Variants in SCHIP1 observed in about 807,000 individuals in gnomAD.
The protein encoded by SCHIP1 is schwannomin interacting protein 1.
Under a neutral mutation model 29.7 loss-of-function variants are expected in SCHIP1, and 8 were observed. The observed-to-expected ratio is 0.27, with a 90% CI of 0.16 to 0.49. The LOEUF (loss-of-function observed/expected upper bound fraction) is 0.49. Ranked by LOEUF, SCHIP1 falls within the 20% of genes least tolerant of loss-of-function variation. The pLI, the probability that SCHIP1 is intolerant of heterozygous loss-of-function variation, is 0.99. For missense variants in SCHIP1, 193 were observed against 294.6 expected, an observed-to-expected ratio of 0.66 and a Z score of 2.52; for synonymous variants, 76 against 94.9, an observed-to-expected ratio of 0.80 and a Z score of 1.16.
chr3:159,814,694 G>A, the SCHIP1 span, among the ~76,000 whole-genome samples: 2 of 152,202 alleles, frequency 1.3e-5, no homozygotes, highest in East Asian at 3.9e-4. Context: ...CCAGGTATCA[G>A]CTCTCATCTT....
chr3:159,712,724 G>A, the SCHIP1 span, among the ~76,000 whole-genome samples: 1 of 150,442 alleles, frequency 6.6e-6, no homozygotes, highest in Non-Finnish European at 1.5e-5. Flanking sequence ...AGGAAGGGAA[G>A]GGAAGAGAAG....
chr3:159,309,278 A>G, the SCHIP1 span: 4 of 175,878 alleles, frequency 2.3e-5, no homozygotes, highest in Non-Finnish European at 4.5e-5. Context: ...TATTTAAAAT[A>G]TTAAGGTTAG....
chr3:159,678,909 T>C, the SCHIP1 span, among the ~76,000 whole-genome samples: 1 of 152,188 alleles, frequency 6.6e-6, no homozygotes, highest in Non-Finnish European at 1.5e-5. Context: ...GAGAACAGTA[T>C]AGAGAATATC....
At chr3:159,778,859 G>A in the SCHIP1 span, among the ~76,000 whole-genome samples, 30 of 152,262 alleles carry the variant, frequency 2.0e-4, no homozygotes, top group South Asian at 6.0e-3. Context: ...GTGCACACAC[G>A]GCCTGTGGAG....
chr3:159,365,000 C>T, the SCHIP1 span, among the ~76,000 whole-genome samples: 3 of 152,118 alleles, frequency 2.0e-5, no homozygotes, highest in African/African-American at 4.8e-5. Context: ...ACCTAATAGG[C>T]TTGGAGTTAA....
At chr3:159,652,251 A>G in the SCHIP1 span, among the ~76,000 whole-genome samples, 1 of 152,196 alleles carries the variant, frequency 6.6e-6, no homozygotes, top group Non-Finnish European at 1.5e-5. Flanking sequence ...TATTGGAGGA[A>G]AAATTATATT....
intron 1 of SCHIP1, among the ~76,000 whole-genome samples, chr3:159,854,554 A>AT (rs1328201227): frequency 6.6e-6 from 1 of 152,202 alleles, no homozygotes; most frequent in African/African-American, 2.4e-5. Context: ...CAAGACAGGA[A>AT]TGAGCACCAA....
the SCHIP1 span, among the ~76,000 whole-genome samples, chr3:159,819,855 G>C: frequency 6.6e-6 from 1 of 152,208 alleles, no homozygotes; most frequent in African/African-American, 2.4e-5. Context: ...CCCTTCCACA[G>C]ATTCTTCTGC....
At chr3:159,332,537 C>T in the SCHIP1 span, among the ~76,000 whole-genome samples, 3 of 152,054 alleles carry the variant, frequency 2.0e-5, no homozygotes. Flanking sequence ...TAAATGTGTT[C>T]ACAGGTGGCA....
In SCHIP1 at chr3:159,866,061, T is replaced by A. The variant is rs1450990431; in HGVS notation, c.31-102T>A. On this transcript the variant is annotated intron_variant, in intron 1 of 6. Coordinates refer to ENST00000445224, the Ensembl canonical transcript of SCHIP1. ...ATGCCGCAGCCTATTTATTTGTTTT[T>A]CATCTAATGTTACAGTTCTAAGAAA... 7.2e-6 allele frequency: 7 copies of A among 969,956 alleles called. No homozygotes were observed. The African/African-American group carries it at 1.2e-4, about 16-fold the overall frequency. The allele number at this position is 969,956 out of a possible 1,614,324, so 60.1% of individuals were successfully genotyped here. A position where few individuals can be genotyped will look rare whatever the true frequency, so the allele number is the denominator to read the frequency against.
the SCHIP1 span, among the ~76,000 whole-genome samples, chr3:159,317,030 C>G: frequency 6.6e-6 from 1 of 152,188 alleles, no homozygotes; most frequent in African/African-American, 2.4e-5. Context: ...GTGGAGTAAC[C>G]TAAACCTTCA....
the SCHIP1 span, among the ~76,000 whole-genome samples, chr3:159,727,961 G>A: frequency 6.7e-6 from 1 of 148,610 alleles, no homozygotes. Context: ...TTGTTTTTTG[G>A]TCACAGCCAT....
chr3:159,520,651 CTTTG>C, the SCHIP1 span, among the ~76,000 whole-genome samples: 2,847 of 152,284 alleles, frequency 0.019, 37 homozygotes, highest in Middle Eastern at 0.078. Flanking sequence ...TGATTGCTTT[CTTTG>C]TCTCTGTTTA....
the SCHIP1 span, among the ~76,000 whole-genome samples, chr3:159,490,548 T>C: frequency 6.6e-6 from 1 of 152,206 alleles, no homozygotes; most frequent in Non-Finnish European, 1.5e-5. Context: ...GCAATATTTA[T>C]TGAGTGCCTA....
the SCHIP1 span, among the ~76,000 whole-genome samples, chr3:159,562,188 C>A: frequency 6.6e-6 from 1 of 152,176 alleles, no homozygotes; most frequent in Non-Finnish European, 1.5e-5. Flanking sequence ...ACGGACTAAC[C>A]ACCACTATGC....
chr3:159,714,393 C>A, the SCHIP1 span, among the ~76,000 whole-genome samples: 1 of 152,290 alleles, frequency 6.6e-6, no homozygotes, highest in Non-Finnish European at 1.5e-5. Context: ...ACAGTGGGTG[C>A]AGGACAGTGG....
the SCHIP1 span, among the ~76,000 whole-genome samples, chr3:159,312,557 A>G: frequency 6.6e-6 from 1 of 152,142 alleles, no homozygotes; most frequent in Admixed American, 6.5e-5. Context: ...ACTGGGAACC[A>G]TGTTCTGACT....
intron 1 of SCHIP1, chr3:159,840,237 G>A (rs1200709249): frequency 5.9e-6 from 9 of 1,526,424 alleles, no homozygotes; most frequent in Admixed American, 2.0e-5. Flanking sequence ...GCCTGATTCT[G>A]AGGCCGGCAT....
the SCHIP1 span, among the ~76,000 whole-genome samples, chr3:159,405,675 G>A: frequency 1.3e-5 from 2 of 151,700 alleles, no homozygotes; most frequent in African/African-American, 2.4e-5. Context: ...TTAGGAGTTC[G>A]AGACCAGCCT....
Sources: allele counts gnomAD v4.1 joint callset (sites outside exome capture counted in the v4.1 genomes callset), GRCh38; gene constraint gnomAD v4.1.1; transcripts MANE v1.5; gene names NCBI Gene and HGNC (gene_info 2026-07-23, HGNC 2026-07-21).